Variants in SORD observed in about 807,000 individuals in gnomAD.
The protein encoded by SORD is (R,R)-butanediol dehydrogenase.
Under a neutral mutation model 35.6 loss-of-function variants are expected in SORD, and 18 were observed. The observed-to-expected ratio is 0.51, with a 90% confidence interval of 0.35 to 0.75. The LOEUF (loss-of-function observed/expected upper bound fraction) is 0.75. Ranked by LOEUF, SORD falls within the 30% of genes least tolerant of loss-of-function variation. SORD has a pLI of 0.01. For synonymous variants in SORD, 106 were observed against 152.9 expected (o/e 0.69, Z 2.26); for missense variants, 250 against 390.2 (o/e 0.64, Z 3.03).
At chr15:45,031,506 G>A (rs928857824) in intron 1 of SORD, among the ~76,000 whole-genome samples, 3 of 152,340 alleles carry the variant, frequency 2.0e-5, no homozygotes, top group African/African-American at 4.8e-5. Flanking sequence ...GAGTTCTCAC[G>A]GGCAGAGCTT....
At chr15:45,061,446 C>T (rs747694793) in intron 4 of SORD, among the ~76,000 whole-genome samples, 3 of 152,196 alleles carry the variant, frequency 2.0e-5, no homozygotes, top group Non-Finnish European at 4.4e-5. Context: ...GTTTCAGTTT[C>T]CCTTACTTAG....
At chr15:45,038,481 T>A (rs1892910530) in intron 1 of SORD, among the ~76,000 whole-genome samples, 1 of 152,194 alleles carries the variant, frequency 6.6e-6, no homozygotes, top group South Asian at 2.1e-4. Context: ...GAGCTTTGTT[T>A]CACAGGAGAA....
chr15:45,038,126 C>CCCTT (rs71114304), intron 1 of SORD, among the ~76,000 whole-genome samples: 6,314 of 122,094 alleles, frequency 0.052, 395 homozygotes, highest in Middle Eastern at 0.086. Flanking sequence ...CTCGCATCCT[C>CCCTT]CCTTCCTTCC....
chr15:45,036,364 T>C (rs1892865662), intron 1 of SORD: 1 of 456,010 alleles, frequency 2.2e-6, no homozygotes, highest in Non-Finnish European at 4.4e-6. Flanking sequence ...AATTACTCAA[T>C]TCCTTTTAGT....
chr15:45,071,632 C>G (rs1893515394), intron 7 of SORD, among the ~76,000 whole-genome samples: 1 of 151,688 alleles, frequency 6.6e-6, no homozygotes, highest in Non-Finnish European at 1.5e-5. Context: ...ACAGTGATCC[C>G]CAGAAAGCTC....
chr15:45,039,201 T>A (rs1342053842), intron 1 of SORD, among the ~76,000 whole-genome samples: 1 of 152,014 alleles, frequency 6.6e-6, no homozygotes, highest in Non-Finnish European at 1.5e-5. Flanking sequence ...CAATCTGGGC[T>A]CACTGCTACC....
chr15:45,059,672 T>G (rs897931456), intron 3 of SORD, among the ~76,000 whole-genome samples: 2 of 152,172 alleles, frequency 1.3e-5, no homozygotes, highest in African/African-American at 4.8e-5. Context: ...TAAAAAAATT[T>G]TTTTTGTAAA....
chr15:45,058,418 G>A (rs1175427560), intron 3 of SORD: 1 of 152,088 alleles, frequency 6.6e-6, no homozygotes, highest in Non-Finnish European at 1.5e-5. Flanking sequence ...TACAGATCTG[G>A]TGGCTGCACT....
intron 1 of SORD, among the ~76,000 whole-genome samples, chr15:45,024,939 A>G (rs1892647751): frequency 6.6e-6 from 1 of 152,274 alleles, no homozygotes; most frequent in African/African-American, 2.4e-5. Context: ...CTTAAAAGTC[A>G]TGCACCTAAG....
intron 4 of SORD, among the ~76,000 whole-genome samples, chr15:45,061,509 G>A (rs1365740015): frequency 6.6e-6 from 1 of 152,084 alleles, no homozygotes; most frequent in Non-Finnish European, 1.5e-5. Flanking sequence ...AGACATCCTG[G>A]AGGGAATTCC....
At chr15:45,044,790 C>G (rs1208387286) in intron 3 of SORD, among the ~76,000 whole-genome samples, 1 of 151,354 alleles carries the variant, frequency 6.6e-6, no homozygotes, top group African/African-American at 2.4e-5. Flanking sequence ...CCTCCACCTC[C>G]TGGTTCAAGT....
At position 45,061,149 on chromosome 15, in the gene SORD, C is replaced by G; in HGVS notation, c.348C>G (p.Ser116=). 1 of 1,614,150 alleles carries G rather than the reference C, an allele frequency of 6.2e-7. No individual in the cohort carries two copies. Among genetic ancestry groups the G allele is most frequent in the Non-Finnish European group, 8.5e-7 (1 of 1,180,020 alleles). The change falls in exon 4 of 9, where the codon TCC becomes TCG. Residue 116 remains serine, a synonymous_variant. Transcript: ENST00000267814. ...TGGGCCGATACAATCTGTCACCTTC[C>G]ATCTTCTTCTGTGCCACGCCCCCCG... is the stretch of plus-strand genomic sequence containing the variant. ...CKMGRYNLSP[S]IFFCATPPDD... is the part of the protein sequence containing the mutation.
chr15:45,062,592 C>A (rs1328940158), intron 4 of SORD, among the ~76,000 whole-genome samples: 6 of 151,272 alleles, frequency 4.0e-5, no homozygotes, highest in African/African-American at 7.3e-5. Context: ...GAGTCACAGG[C>A]CAGAGACCTT....
intron 3 of SORD, among the ~76,000 whole-genome samples, chr15:45,059,542 G>C (rs4775724): frequency 0.015 from 2,243 of 152,318 alleles, 18 homozygotes; most frequent in Middle Eastern, 0.031. Context: ...CACCCAGGTG[G>C]GAATGCAGTG....
At chr15:45,061,652 G>C (rs1893310262) in intron 4 of SORD, among the ~76,000 whole-genome samples, 1 of 151,884 alleles carries the variant, frequency 6.6e-6, no homozygotes, top group African/African-American at 2.4e-5. Context: ...TGGATCATGA[G>C]ATTAGGAGAT....
intron 3 of SORD, among the ~76,000 whole-genome samples, chr15:45,048,270 G>A (rs1893075361): frequency 6.6e-6 from 1 of 152,126 alleles, no homozygotes; most frequent in South Asian, 2.1e-4. Context: ...CCCATGGTTT[G>A]TTTTCCCCCA....
chr15:45,059,337 CA>C (rs1390032533), intron 3 of SORD, among the ~76,000 whole-genome samples: 1 of 150,160 alleles, frequency 6.7e-6, no homozygotes, highest in Admixed American at 6.6e-5. Context: ...TCTCAAAAAA[CA>C]AACAAAAAAA....
At chr15:45,054,603 C>T (rs1027546190) in intron 3 of SORD, among the ~76,000 whole-genome samples, 46 of 151,952 alleles carry the variant, frequency 3.0e-4, no homozygotes, top group African/African-American at 1.1e-3. Context: ...GTTGCCTGTT[C>T]ACTCTGATGG....
intron 1 of SORD, among the ~76,000 whole-genome samples, chr15:45,027,521 A>AGCCAGAGCCCCTGAGGACG (rs1485979113): frequency 6.6e-6 from 1 of 152,284 alleles, no homozygotes; most frequent in East Asian, 1.9e-4. Context: ...ATAAGCAGGA[A>AGCCAGAGCCCCTGAGGACG]GCCAGAGCCC....
Sources: allele counts gnomAD v4.1 joint callset (sites outside exome capture counted in the v4.1 genomes callset), GRCh38; gene constraint gnomAD v4.1.1; transcripts MANE v1.5; gene names NCBI Gene and HGNC (gene_info 2026-07-23, HGNC 2026-07-21).